Variants in HS3ST4 observed in about 807,000 individuals in gnomAD.
HS3ST4 encodes the protein heparan sulfate glucosamine 3-O-sulfotransferase 4.
Under a neutral mutation model 29.2 loss-of-function variants are expected in HS3ST4, and 17 were observed. The ratio of observed to expected loss-of-function variants is 0.58; its 90% CI spans 0.40 to 0.87. HS3ST4 has a LOEUF of 0.87. Among genes scored for constraint, HS3ST4 ranks in the 40% least tolerant of loss-of-function variants. The pLI is 0.00. For missense variants in HS3ST4, 627 were observed against 634.5 expected (o/e 0.99, Z 0.13); for synonymous variants, 314 against 285.7 (o/e 1.10, Z -1.00).
intron 1 of HS3ST4, among the ~76,000 whole-genome samples, chr16:25,980,863 A>C (rs1435014821): frequency 6.6e-6 from 1 of 152,210 alleles, no homozygotes; most frequent in Non-Finnish European, 1.5e-5. Flanking sequence ...AGAGGAAAAC[A>C]TGAGTGAGTG....
intron 1 of HS3ST4, among the ~76,000 whole-genome samples, chr16:25,804,361 C>T (rs900647494): frequency 1.3e-5 from 2 of 152,250 alleles, no homozygotes; most frequent in South Asian, 2.1e-4. Flanking sequence ...TGAAATTTCC[C>T]GTATTGTCAA....
chr16:26,005,072 A>G lies in HS3ST4; in HGVS notation c.735-130540A>G, dbSNP rs567118178. On this transcript the variant is annotated intron_variant, in intron 1 of 1. Transcript: ENST00000331351. The stretch of plus-strand genomic sequence containing the variant: ...TCTTCTAAGCTAAAATAGCATCTTA[A>G]AGAAAAAGGATTCTCATATATGTGT... 2.0e-5 allele frequency among the ~76,000 whole-genome samples: 3 copies of G among 152,288 alleles called. No homozygotes were observed. In the South Asian group the frequency reaches 6.2e-4, roughly 32 times the overall value.
At chr16:25,978,011 A>G (rs11859446) in intron 1 of HS3ST4, among the ~76,000 whole-genome samples, 4,712 of 152,336 alleles carry the variant, frequency 0.031, 259 homozygotes, top group African/African-American at 0.11. Context: ...AGCAAGTATC[A>G]TCACATTTTT....
intron 1 of HS3ST4, among the ~76,000 whole-genome samples, chr16:25,746,484 A>G (rs1966685996): frequency 6.6e-6 from 1 of 152,112 alleles, no homozygotes; most frequent in African/African-American, 2.4e-5. Flanking sequence ...ATTACAGCAC[A>G]TGGTGCGTAG....
chr16:25,945,592 A>G (rs1257349385), intron 1 of HS3ST4, among the ~76,000 whole-genome samples: 2 of 152,206 alleles, frequency 1.3e-5, no homozygotes, highest in African/African-American at 4.8e-5. Context: ...CAGTCAGTAC[A>G]GTTTCTACTA....
At chr16:25,946,352 G>T (rs926012520) in intron 1 of HS3ST4, among the ~76,000 whole-genome samples, 1 of 152,240 alleles carries the variant, frequency 6.6e-6, no homozygotes, top group Non-Finnish European at 1.5e-5. Context: ...CCACACTGCT[G>T]CTTTGTGAGA....
chr16:25,876,296 A>C (rs1967832388), intron 1 of HS3ST4, among the ~76,000 whole-genome samples: 1 of 152,140 alleles, frequency 6.6e-6, no homozygotes, highest in Admixed American at 6.5e-5. Context: ...AGCAAAATAA[A>C]ATATAACTAT....
intron 1 of HS3ST4, among the ~76,000 whole-genome samples, chr16:26,055,330 A>G (rs1898394062): frequency 1.3e-5 from 2 of 152,118 alleles, no homozygotes; most frequent in Non-Finnish European, 2.9e-5. Context: ...AGGATAAAGG[A>G]GATGATATTT....
chr16:25,870,195 T>G (rs1404933079), intron 1 of HS3ST4, among the ~76,000 whole-genome samples: 3 of 151,992 alleles, frequency 2.0e-5, no homozygotes, highest in Admixed American at 2.0e-4. Context: ...CATCCATCCA[T>G]CCATCCAACC....
intron 1 of HS3ST4, among the ~76,000 whole-genome samples, chr16:25,720,174 G>A (rs1459202800): frequency 2.6e-5 from 4 of 152,186 alleles, no homozygotes; most frequent in Admixed American, 2.6e-4. Context: ...GGAATATCAT[G>A]TGGAAATCTG....
rs187751636 is a variant in HS3ST4, at chr16:26,083,630, T to C, written c.735-51982T>C. Reference sequence around the variant, plus strand: ...TTGGCATTGAATAAAACTTTATTTATAAAAGCAGATGCTGGGCCATATTTA... The same window carrying C: ...TTGGCATTGAATAAAACTTTATTTACAAAAGCAGATGCTGGGCCATATTTA... On this transcript the variant is annotated intron_variant, in intron 1 of 1. Transcript: ENST00000331351. 7.6e-4 allele frequency among the ~76,000 whole-genome samples: 115 copies of C among 152,264 alleles called. 2 individuals carry two copies. The highest frequency in any genetic ancestry group is 4.8e-3 in the Admixed American group (74 of 15,284).
chr16:25,888,134 G>GT (rs1195061471), intron 1 of HS3ST4, among the ~76,000 whole-genome samples: 1 of 152,150 alleles, frequency 6.6e-6, no homozygotes, highest in Non-Finnish European at 1.5e-5. Flanking sequence ...GTGGACTTCA[G>GT]TTGGCCTCCG....
At chr16:25,703,750 C>A (rs1966352669) in intron 1 of HS3ST4, among the ~76,000 whole-genome samples, 1 of 152,140 alleles carries the variant, frequency 6.6e-6, no homozygotes, top group Admixed American at 6.5e-5. Flanking sequence ...CCCTTTAGGG[C>A]CATTTTATTC....
intron 1 of HS3ST4, among the ~76,000 whole-genome samples, chr16:26,014,601 T>G (rs986677662): frequency 2.0e-5 from 3 of 152,198 alleles, no homozygotes; most frequent in African/African-American, 7.2e-5. Context: ...TGTATTTCAT[T>G]TTCTGCTCCT....
At chr16:26,018,715 A>G (rs775111239) in intron 1 of HS3ST4, among the ~76,000 whole-genome samples, 18 of 152,096 alleles carry the variant, frequency 1.2e-4, no homozygotes, top group Non-Finnish European at 2.1e-4. Context: ...CCTGGAGGCA[A>G]ATTGGGTCCT....
chr16:25,865,846 G>T (rs1243371938), intron 1 of HS3ST4, among the ~76,000 whole-genome samples: 1 of 152,054 alleles, frequency 6.6e-6, no homozygotes, highest in East Asian at 1.9e-4. Context: ...AGACTTAAAT[G>T]TAAGACCCAA....
chr16:26,001,028 C>G (rs1202220110), intron 1 of HS3ST4, among the ~76,000 whole-genome samples: 1 of 152,110 alleles, frequency 6.6e-6, no homozygotes, highest in Admixed American at 6.6e-5. Context: ...AGTGCAATCT[C>G]TGATTCTCAA....
chr16:25,828,242 C>CTGTCTGTCTGTCTT (rs1371928058), intron 1 of HS3ST4, among the ~76,000 whole-genome samples: 1 of 75,014 alleles, frequency 1.3e-5, no homozygotes, highest in African/African-American at 5.8e-5. Flanking sequence ...TTCTTTCTTT[C>CTGTCTGTCTGTCTT]TCTTTCTTTC....
In HS3ST4 at chr16:25,796,453, C is replaced by T. The variant is rs1966886246; in HGVS notation, c.734+103302C>T. Among the ~76,000 whole-genome samples the T allele has an allele frequency of 3.3e-5, 5 of 152,142 alleles. No homozygotes were observed. The South Asian group carries it at 1.0e-3, about 31-fold the overall frequency. On this transcript the variant is annotated intron_variant, in intron 1 of 1. Transcript: ENST00000331351. ...AGTGACTCAACCTTAGAAGAAACCG[C>T]ATGCTCAGATTTGATATGACACTCA...
Sources: gnomAD v4.1 joint callset for allele counts (sites outside exome capture counted in the v4.1 genomes callset) on GRCh38, gnomAD v4.1.1 for gene constraint, MANE v1.5 for transcripts, NCBI Gene and HGNC (gene_info 2026-07-23, HGNC 2026-07-21) for gene names.